ZCWPW2: variants seen among roughly 807,000 people sequenced by gnomAD.
ZCWPW2 encodes the protein zinc finger CW-type and PWWP domain containing 2, also known as zinc finger CW-type PWWP domain protein 2.
ZCWPW2 carries 45 observed loss-of-function variants against 46.6 expected under a neutral mutation model. The ratio of observed to expected loss-of-function variants is 0.96; its 90% confidence interval spans 0.76 to 1.24. The LOEUF is 1.24. ZCWPW2 is among the 50% of genes most tolerant of loss of function. The pLI, the probability that ZCWPW2 is intolerant of heterozygous loss-of-function variation, is 0.00. For synonymous variants in ZCWPW2, 152 were observed against 137.1 expected (o/e 1.11, Z -0.76); for missense variants, 429 against 403.9 (o/e 1.06, Z -0.53).
intron 8 of ZCWPW2, among the ~76,000 whole-genome samples, chr3:28,516,148 G>A (rs528858782): frequency 3.9e-5 from 6 of 151,966 alleles, no homozygotes; most frequent in Non-Finnish European, 8.8e-5. Flanking sequence ...GCTGAGGCAG[G>A]AGAATCACTT....
intron 1 of ZCWPW2, among the ~76,000 whole-genome samples, chr3:28,363,541 G>C (rs1705016068): frequency 6.6e-6 from 1 of 152,052 alleles, no homozygotes; most frequent in African/African-American, 2.4e-5. Flanking sequence ...CCCACTCAGT[G>C]TTTGCCCATT....
At chr3:28,473,676 C>T (rs757210055) in intron 4 of ZCWPW2, among the ~76,000 whole-genome samples, 2 of 152,106 alleles carry the variant, frequency 1.3e-5, no homozygotes, top group Non-Finnish European at 2.9e-5. Context: ...GTGGAACACA[C>T]CGTGGAATAC....
chr3:28,358,738 C>G (rs1357536226), intron 1 of ZCWPW2, among the ~76,000 whole-genome samples: 1 of 151,972 alleles, frequency 6.6e-6, no homozygotes, highest in Non-Finnish European at 1.5e-5. Context: ...CTCCATAGAC[C>G]ATCCAAAACT....
At chr3:28,495,820 G>A (rs1393155833) in intron 6 of ZCWPW2, among the ~76,000 whole-genome samples, 7 of 151,884 alleles carry the variant, frequency 4.6e-5, no homozygotes, top group Non-Finnish European at 1.0e-4. Flanking sequence ...AGAAATTTTT[G>A]GAGATGCTGT....
At chr3:28,364,126 A>G (rs1034998661) in intron 1 of ZCWPW2, among the ~76,000 whole-genome samples, 2 of 152,230 alleles carry the variant, frequency 1.3e-5, no homozygotes, top group East Asian at 1.9e-4. Context: ...GACTGATAGT[A>G]TCAACTAAGA....
Position 28,522,827 on chromosome 3 carries a change from G to A in ZCWPW2, c.910-1700G>A, listed in dbSNP as rs559843792. Among the ~76,000 whole-genome samples, 3 of 152,050 alleles carry A rather than the reference G, an allele frequency of 2.0e-5. No individual in the cohort carries two copies. The East Asian group carries it at 5.8e-4, about 29-fold the overall frequency. On this transcript the variant is annotated intron_variant, in intron 9 of 9. Transcript: ENST00000383768. ...TTTGCAGAACAAGACCTGCAGATTG[G>A]TATCATACATCCTATATACGTATAA...
intron 4 of ZCWPW2, chr3:28,461,806 T>C (rs1036566666): frequency 3.9e-5 from 6 of 152,174 alleles, no homozygotes; most frequent in African/African-American, 1.2e-4. Context: ...ATGTTAGTTA[T>C]TTTTGAGTGC....
In ZCWPW2 at chr3:28,401,488, G is replaced by A. The variant is rs185522717; in HGVS notation, c.-14+10871G>A. Reference sequence around the variant, plus strand: ...GATAGACAGCAACACAGTAATAGTGGGGGACTTCAGTACTCCACTGATAGC... The same window carrying A: ...GATAGACAGCAACACAGTAATAGTGAGGGACTTCAGTACTCCACTGATAGC... On this transcript the variant is annotated intron_variant, in intron 2 of 9. Transcript: ENST00000383768. Among the ~76,000 whole-genome samples, 183 of 152,194 alleles carry A rather than the reference G, an allele frequency of 1.2e-3. 4 individuals are homozygous for A. The highest frequency in any genetic ancestry group is 1.6e-3 in the Admixed American group (24 of 15,296).
At chr3:28,410,187 A>G (rs192373844) in intron 2 of ZCWPW2, among the ~76,000 whole-genome samples, 22 of 152,236 alleles carry the variant, frequency 1.4e-4, no homozygotes, top group Admixed American at 1.3e-3. Flanking sequence ...AAATCTGAAC[A>G]TGTATATATT....
At chr3:28,468,514 T>TA (rs1698913461) in intron 4 of ZCWPW2, among the ~76,000 whole-genome samples, 1 of 152,004 alleles carries the variant, frequency 6.6e-6, no homozygotes, top group Non-Finnish European at 1.5e-5. Context: ...TTCAGGGCAT[T>TA]TAATAATCAA....
chr3:28,413,517 A>T, intron 3 of ZCWPW2, 117 bp downstream of exon 3: 1 of 913,730 alleles, frequency 1.1e-6, no homozygotes, highest in Non-Finnish European at 1.6e-6. Flanking sequence ...TTGATTTATC[A>T]TTGCTCTTTT....
intron 5 of ZCWPW2, among the ~76,000 whole-genome samples, chr3:28,481,359 T>G (rs1699423488): frequency 6.6e-6 from 1 of 152,112 alleles, no homozygotes; most frequent in African/African-American, 2.4e-5. Context: ...TTCTCCTGCC[T>G]CAGCCTTCTG....
chr3:28,485,416 G>T (rs1428432980), intron 5 of ZCWPW2, among the ~76,000 whole-genome samples: 3 of 152,166 alleles, frequency 2.0e-5, no homozygotes, highest in Non-Finnish European at 2.9e-5. Flanking sequence ...AATATATCCA[G>T]TTGATTGATG....
At chr3:28,472,982 G>T (rs1255055008) in intron 4 of ZCWPW2, among the ~76,000 whole-genome samples, 1 of 152,114 alleles carries the variant, frequency 6.6e-6, no homozygotes, top group Non-Finnish European at 1.5e-5. Flanking sequence ...ATGAAAAGGT[G>T]CTCAACATCA....
At chr3:28,402,717 A>G (rs1466876373) in intron 2 of ZCWPW2, among the ~76,000 whole-genome samples, 2 of 152,138 alleles carry the variant, frequency 1.3e-5, no homozygotes, top group Admixed American at 1.3e-4. Context: ...ATCAAGTGGC[A>G]TATCAGAGAT....
intron 4 of ZCWPW2, among the ~76,000 whole-genome samples, chr3:28,455,003 A>G (rs1406453381): frequency 6.6e-6 from 1 of 152,166 alleles, no homozygotes; most frequent in Non-Finnish European, 1.5e-5. Context: ...TATACCTAGT[A>G]ATGGGATTGC....
intron 3 of ZCWPW2, among the ~76,000 whole-genome samples, chr3:28,428,790 T>C (rs1363577078): frequency 3.3e-5 from 5 of 152,134 alleles, no homozygotes; most frequent in Non-Finnish European, 5.9e-5. Flanking sequence ...AAGGGACTTT[T>C]CCCCCTTCAC....
At chr3:28,459,372 A>G (rs1698543839) in intron 4 of ZCWPW2, among the ~76,000 whole-genome samples, 1 of 151,796 alleles carries the variant, frequency 6.6e-6, no homozygotes, top group South Asian at 2.1e-4. Flanking sequence ...TCTGTCTCCA[A>G]AGAAAAAAAA....
intron 4 of ZCWPW2, chr3:28,461,048 T>A (rs774868104): frequency 4.2e-6 from 1 of 235,294 alleles, no homozygotes; most frequent in African/African-American, 2.3e-5. Context: ...ATATTTGAAA[T>A]CATACCAATG....
Sources: gnomAD v4.1 joint callset for allele counts (sites outside exome capture counted in the v4.1 genomes callset) on GRCh38, gnomAD v4.1.1 for gene constraint, MANE v1.5 for transcripts, NCBI Gene and HGNC (gene_info 2026-07-23, HGNC 2026-07-21) for gene names.